Variants in SLC7A14 observed in about 807,000 individuals in gnomAD.
SLC7A14 encodes the protein solute carrier family 7 member 14, also known as gamma-aminobutyric acid transporter SLC7A14.
In SLC7A14, 37 loss-of-function variants were observed where a neutral mutation model predicts 60.2. That is an observed-to-expected ratio of 0.61 (90% CI 0.47 to 0.81). The LOEUF (loss-of-function observed/expected upper bound fraction) is 0.81, where lower values mean the gene tolerates loss of function less well. Ranked by LOEUF, SLC7A14 falls within the 30% of genes least tolerant of loss-of-function variation. The pLI is 0.00. For synonymous variants in SLC7A14, 399 were observed against 395.8 expected, an observed-to-expected ratio of 1.01 and a Z score of -0.10; for missense variants, 886 against 982.7, an observed-to-expected ratio of 0.90 and a Z score of 1.32.
At chr3:170,530,450 A>G (rs1179035885) in intron 1 of SLC7A14, among the ~76,000 whole-genome samples, 3 of 152,206 alleles carry the variant, frequency 2.0e-5, no homozygotes, top group Admixed American at 6.5e-5. Context: ...CACTTACCCA[A>G]AGTCACCAGA....
chr3:170,555,540 A>G (rs547680907), intron 1 of SLC7A14, among the ~76,000 whole-genome samples: 1 of 152,192 alleles, frequency 6.6e-6, no homozygotes, highest in Admixed American at 6.5e-5. Flanking sequence ...AGGCAATTTC[A>G]TCACTGTGCA....
intron 1 of SLC7A14, among the ~76,000 whole-genome samples, chr3:170,559,722 ACT>A (rs1292507989): frequency 2.0e-5 from 3 of 152,094 alleles, no homozygotes; most frequent in African/African-American, 7.2e-5. Context: ...TTTATCTGTC[ACT>A]CTCTCTTCCT....
intron 1 of SLC7A14, among the ~76,000 whole-genome samples, chr3:170,543,827 A>G (rs1472346114): frequency 2.1e-5 from 3 of 144,184 alleles, no homozygotes; most frequent in Non-Finnish European, 1.5e-5. Flanking sequence ...TCTGCTCACC[A>G]CAATCTCCAC....
intron 4 of SLC7A14, among the ~76,000 whole-genome samples, chr3:170,491,056 C>T (rs1189306400): frequency 6.6e-6 from 1 of 152,152 alleles, no homozygotes; most frequent in African/African-American, 2.4e-5. Flanking sequence ...CTAAGTGCTA[C>T]CATGTGCCAG....
At chr3:170,479,515 A>AG (rs1168946866) in intron 7 of SLC7A14, among the ~76,000 whole-genome samples, 1 of 152,228 alleles carries the variant, frequency 6.6e-6, no homozygotes, top group East Asian at 1.9e-4. Flanking sequence ...GAGAAGGTAC[A>AG]GGACTTCTTG....
intron 1 of SLC7A14, among the ~76,000 whole-genome samples, chr3:170,533,477 T>C (rs977874535): frequency 3.9e-5 from 6 of 152,236 alleles, no homozygotes; most frequent in African/African-American, 1.4e-4. Context: ...GTCTTATCTT[T>C]CCTAGACTAA....
At chr3:170,507,718 T>C (rs1173984766) in intron 2 of SLC7A14, among the ~76,000 whole-genome samples, 3 of 152,232 alleles carry the variant, frequency 2.0e-5, no homozygotes, top group Non-Finnish European at 1.5e-5. Context: ...GTTCATCTAC[T>C]TGTATAGTTT....
chr3:170,562,696 A>C (rs867464632), intron 1 of SLC7A14, among the ~76,000 whole-genome samples: 1 of 152,292 alleles, frequency 6.6e-6, no homozygotes, highest in Middle Eastern at 3.4e-3. Context: ...CAGCAATGAG[A>C]TTTCCCAATG....
At chr3:170,474,021 A>G (rs578206994) in intron 7 of SLC7A14, among the ~76,000 whole-genome samples, 143 of 152,298 alleles carry the variant, frequency 9.4e-4, no homozygotes, top group African/African-American at 3.3e-3. Context: ...GTGTCCACCA[A>G]AAACATGTAC....
intron 1 of SLC7A14, among the ~76,000 whole-genome samples, chr3:170,573,185 C>T (rs575054556): frequency 3.3e-5 from 5 of 152,302 alleles, no homozygotes; most frequent in Non-Finnish European, 5.9e-5. Context: ...TGAAATGACA[C>T]AAACAGAATT....
intron 1 of SLC7A14, among the ~76,000 whole-genome samples, chr3:170,555,506 G>T (rs1044802259): frequency 4.6e-5 from 7 of 152,114 alleles, no homozygotes; most frequent in African/African-American, 1.7e-4. Context: ...TAATGATGGG[G>T]CTATGCTTGA....
At position 170,512,654 on chromosome 3, in the gene SLC7A14, ATTTTTTTTTTTTTTTT is replaced by A. The variant is rs71176570; in HGVS notation, c.305-11325_305-11310del. ...TATAGGGCACATGTGTACAATTTGC[ATTTTTTTTTTTTTTTT>A]TTTTTTTTTTTGAGACGGAGTCTCG... On this transcript the variant is annotated intron_variant, in intron 2 of 7. Coordinates refer to ENST00000231706, the MANE Select transcript of SLC7A14 (RefSeq NM_020949.3). Among the ~76,000 whole-genome samples the A allele has an allele frequency of 4.8e-5, 3 of 63,130 alleles. No homozygotes were observed. The Admixed American group carries it at 8.2e-4, about 17-fold the overall frequency. 41.4% of individuals were successfully genotyped at this position (63,130 alleles called of 152,430 possible). A position where few individuals can be genotyped will look rare whatever the true frequency, so the allele number is the denominator to read the frequency against.
At chr3:170,467,809 A>G (rs1307888324) in intron 7 of SLC7A14, among the ~76,000 whole-genome samples, 1 of 152,202 alleles carries the variant, frequency 6.6e-6, no homozygotes, top group African/African-American at 2.4e-5. Flanking sequence ...TGAACTATTT[A>G]TGGATCAGCA....
chr3:170,551,061 C>T (rs779822323), intron 1 of SLC7A14, among the ~76,000 whole-genome samples: 8 of 152,096 alleles, frequency 5.3e-5, no homozygotes, highest in Non-Finnish European at 1.0e-4. Flanking sequence ...ATTGCTCCTC[C>T]CCCAACTCCT....
intron 1 of SLC7A14, among the ~76,000 whole-genome samples, chr3:170,561,659 A>T (rs944888795): frequency 1.3e-5 from 2 of 152,236 alleles, no homozygotes; most frequent in African/African-American, 4.8e-5. Flanking sequence ...ATTGTTGATT[A>T]TGTGTTGTTT....
chr3:170,522,350 G>A (rs1457771252), intron 2 of SLC7A14, among the ~76,000 whole-genome samples: 1 of 152,146 alleles, frequency 6.6e-6, no homozygotes, highest in Non-Finnish European at 1.5e-5. Context: ...TACTTGCAGT[G>A]AGTTTATTTA....
At chr3:170,572,403 C>T (rs1363254087) in intron 1 of SLC7A14, among the ~76,000 whole-genome samples, 3 of 152,170 alleles carry the variant, frequency 2.0e-5, no homozygotes, top group Admixed American at 1.3e-4. Flanking sequence ...TTAATATCTA[C>T]TTTATATGAT....
Position 170,519,512 on chromosome 3 carries a change from C to G in SLC7A14, c.304+7121G>C, listed in dbSNP as rs575212584. ...CAGAAAGGGGCCAGGCGCAGTGGCT[C>G]ACGCCTGTAATCCCAACACTTAGGG... On this transcript the variant is annotated intron_variant, in intron 2 of 7. Transcript: ENST00000231706. Among the ~76,000 whole-genome samples, 3 of 152,356 alleles carry G rather than the reference C, an allele frequency of 2.0e-5. No homozygotes were observed. The East Asian group carries it at 5.8e-4, about 29-fold the overall frequency.
intron 2 of SLC7A14, among the ~76,000 whole-genome samples, chr3:170,522,902 T>A (rs1285881930): frequency 6.6e-6 from 1 of 152,228 alleles, no homozygotes; most frequent in African/African-American, 2.4e-5. Flanking sequence ...GTTGACATTA[T>A]CTCTCAACCT....
Sources: gnomAD v4.1 joint callset for allele counts (sites outside exome capture counted in the v4.1 genomes callset) on GRCh38, gnomAD v4.1.1 for gene constraint, MANE v1.5 for transcripts, NCBI Gene and HGNC (gene_info 2026-07-23, HGNC 2026-07-21) for gene names.